RFWD3: variants seen among roughly 807,000 people sequenced by gnomAD.
The protein encoded by RFWD3 is ring finger and WD repeat domain 3.
A neutral mutation model predicts 87.7 loss-of-function variants in RFWD3; 65 were observed. The observed-to-expected ratio is 0.74, with a 90% CI of 0.61 to 0.91. RFWD3 has a LOEUF of 0.91. Among genes scored for constraint, RFWD3 ranks in the 40% least tolerant of loss-of-function variants. The pLI is 0.00. For synonymous variants in RFWD3, 433 were observed against 352.8 expected (o/e 1.23, Z -2.55); for missense variants, 1,078 against 938.5 (o/e 1.15, Z -1.94).
Position 74,661,399 on chromosome 16 carries a change from G to A in RFWD3, c.51C>T (p.Ala17=), listed in dbSNP as rs771422126. 4.5e-5 allele frequency: 72 copies of A among 1,613,756 alleles called. No homozygotes were observed. The highest frequency in any genetic ancestry group is 2.3e-4 in the African/African-American group (17 of 74,914). ...TGCCAGCAGGAGCTGGCTGTTGTTC[G>A]GCATGATTTAACTGCACCTGAACAT... ...EYDVQVQLNH[A]EQQPAPAGMA... is the part of the protein sequence containing the mutation. Residue 17 remains alanine (A), a synonymous_variant, in exon 2 of 13, where the codon GCC becomes GCT. Transcript: ENST00000361070.
intron 1 of RFWD3, among the ~76,000 whole-genome samples, chr16:74,662,823 G>A (rs1292566197): frequency 6.6e-6 from 1 of 152,098 alleles, no homozygotes; most frequent in African/African-American, 2.4e-5. Flanking sequence ...CCAGACCAGA[G>A]GTCAGAGAGA....
chr16:74,627,005 T>A (rs1010066724), intron 11 of RFWD3, among the ~76,000 whole-genome samples: 2 of 152,124 alleles, frequency 1.3e-5, no homozygotes, highest in African/African-American at 2.4e-5. Flanking sequence ...TATCTGAAAT[T>A]CTGCTGGGAG....
chr16:74,648,024 G>A (rs540088126), intron 4 of RFWD3, among the ~76,000 whole-genome samples: 206 of 152,202 alleles, frequency 1.4e-3, no homozygotes, highest in African/African-American at 4.7e-3. Context: ...ATGGCTCACT[G>A]AAGCCTTGAC....
intron 2 of RFWD3, among the ~76,000 whole-genome samples, chr16:74,656,446 G>A (rs187676247): frequency 6.6e-6 from 1 of 151,522 alleles, no homozygotes; most frequent in African/African-American, 2.4e-5. Flanking sequence ...AATGGATCTG[G>A]ACAAAGTAAA....
At chr16:74,650,055 A>G (rs887458637) in intron 3 of RFWD3, among the ~76,000 whole-genome samples, 1 of 152,188 alleles carries the variant, frequency 6.6e-6, no homozygotes, top group Non-Finnish European at 1.5e-5. Flanking sequence ...AACCACTAAT[A>G]TTATCTCTGT....
intron 7 of RFWD3, 93 bp downstream of exon 7, chr16:74,637,763 A>G: frequency 1.1e-6 from 1 of 904,738 alleles, no homozygotes; most frequent in Admixed American, 2.2e-5. Flanking sequence ...AACTTGGCAA[A>G]TCCTATTTGT....
rs911690520 is a variant in RFWD3 at position 74,651,797 on chromosome 16, G to T, written c.721+123C>A. On this transcript the variant is annotated intron_variant, in intron 3 of 12. Transcript: ENST00000361070. The stretch of plus-strand genomic sequence containing the variant: ...GTGAAGGCTCTATACTATAAAACAG[G>T]AATCCACAACATTTAGGGGAGAAAA... 3.6e-6 allele frequency: 3 copies of T among 823,930 alleles called. No individual in the cohort carries two copies. The Admixed American group carries it at 6.6e-5, about 18-fold the overall frequency. The allele number at this position is 823,930 out of a possible 1,614,324, so 51.0% of individuals were successfully genotyped here.
Position 74,621,452 on chromosome 16 carries a change from T to C in RFWD3, c.*2476A>G, listed in dbSNP as rs946278636. ...AACAGTAAAACATAAAACAGAAACA[T>C]TAAAACAGGGCATAAACAGAGTTCC... is the stretch of plus-strand genomic sequence containing the variant. On this transcript the variant is annotated 3_prime_UTR_variant, in exon 13 of 13. Transcript: ENST00000361070. 1.3e-5 allele frequency: 2 copies of C among 152,110 alleles called. No homozygotes were observed. Among genetic ancestry groups the C allele is most frequent in the Admixed American group, 6.6e-5 (1 of 15,266 alleles). 9.4% of individuals were successfully genotyped at this position (152,110 alleles called of 1,614,324 possible).
At chr16:74,635,592 G>A (rs1959189509) in intron 8 of RFWD3, among the ~76,000 whole-genome samples, 1 of 152,134 alleles carries the variant, frequency 6.6e-6, no homozygotes, top group African/African-American at 2.4e-5. Flanking sequence ...AAGAAAAAAA[G>A]AACAGAACAC....
rs1378280326 is a variant in RFWD3, at chr16:74,621,637, G to A, written c.*2291C>T. 6.6e-6 allele frequency: 1 copy of A among 152,010 alleles called. No homozygotes were observed. The highest frequency in any genetic ancestry group is 1.5e-5 in the Non-Finnish European group (1 of 68,016). 9.4% of individuals were successfully genotyped at this position (152,010 alleles called of 1,614,324 possible). On this transcript the variant is annotated 3_prime_UTR_variant, in exon 13 of 13. Coordinates refer to ENST00000361070, the MANE Select transcript of RFWD3 (RefSeq NM_018124.4). The stretch of plus-strand genomic sequence containing the variant: ...GTGGAGCCCAGAAGACTAAAGCCTG[G>A]ATTTATAAATGTGATGTCCTACAAC...
Position 74,661,183 on chromosome 16 carries a change from G to C in RFWD3, c.267C>G (p.Asp89Glu). 1 of 1,614,208 alleles carries C rather than the reference G, an allele frequency of 6.2e-7. No homozygotes were observed. The highest frequency in any genetic ancestry group is 8.5e-7 in the Non-Finnish European group (1 of 1,180,044). Residue 89 changes from aspartate (D) to glutamate (E), a missense_variant, in exon 2 of 13, where the codon GAC becomes GAG. Asp to Glu is a conservative substitution (Grantham distance 45). Transcript: ENST00000361070. ...TTCTTGGATTGATGTTCTCCACAGT[G>C]TCTTCTCCCAAGACCTCCACTTCTG... ...DLTEVEVLGE[D>E]TVENINPRTS...
At chr16:74,660,028 C>G (rs564722879) in intron 2 of RFWD3, among the ~76,000 whole-genome samples, 4 of 148,272 alleles carry the variant, frequency 2.7e-5, no homozygotes, top group Non-Finnish European at 4.5e-5. Context: ...GCACTCCAGC[C>G]TGGGGAGCAC....
At chr16:74,627,897 G>C (rs1029989452) in intron 11 of RFWD3, among the ~76,000 whole-genome samples, 1 of 152,190 alleles carries the variant, frequency 6.6e-6, no homozygotes, top group East Asian at 1.9e-4. Flanking sequence ...CTGACCATCA[G>C]TACAGTTTAC....
At chr16:74,630,358 A>C (rs368627580) in intron 10 of RFWD3, among the ~76,000 whole-genome samples, 11 of 152,294 alleles carry the variant, frequency 7.2e-5, no homozygotes, top group African/African-American at 2.6e-4. Context: ...TCGTCTTCCC[A>C]AAGTGCTGGG....
At chr16:74,662,813 C>G (rs898558155) in intron 1 of RFWD3, among the ~76,000 whole-genome samples, 1 of 152,036 alleles carries the variant, frequency 6.6e-6, no homozygotes, top group South Asian at 2.1e-4. Flanking sequence ...TTGTGGGAGT[C>G]CAGACCAGAG....
intron 2 of RFWD3, among the ~76,000 whole-genome samples, chr16:74,655,555 T>C (rs796849805): frequency 4.0e-5 from 6 of 151,766 alleles, no homozygotes; most frequent in African/African-American, 1.5e-4. Context: ...CTGAAGCCGA[T>C]GCTCTTTTAC....
intron 2 of RFWD3, among the ~76,000 whole-genome samples, chr16:74,652,972 C>A (rs1285450186): frequency 6.6e-6 from 1 of 152,176 alleles, no homozygotes; most frequent in East Asian, 1.9e-4. Flanking sequence ...TGAGCCACCA[C>A]ACCCAGACAA....
chr16:74,663,601 T>A (rs900931176), intron 1 of RFWD3, among the ~76,000 whole-genome samples: 2 of 152,154 alleles, frequency 1.3e-5, no homozygotes, highest in African/African-American at 4.8e-5. Flanking sequence ...TCCACTCCAG[T>A]CATTCCTAAA....
At chr16:74,643,365 C>A (rs919772140) in intron 6 of RFWD3, among the ~76,000 whole-genome samples, 2 of 152,166 alleles carry the variant, frequency 1.3e-5, no homozygotes, top group African/African-American at 4.8e-5. Flanking sequence ...ACATTGTATT[C>A]TGTTCATGCA....
Sources: allele counts gnomAD v4.1 joint callset (sites outside exome capture counted in the v4.1 genomes callset), GRCh38; gene constraint gnomAD v4.1.1; transcripts MANE v1.5; gene names NCBI Gene and HGNC (gene_info 2026-07-23, HGNC 2026-07-21).